The following TIAM2 variants were observed in gnomAD, a reference collection of about 807,000 sequenced individuals.
TIAM2 encodes the protein rho guanine nucleotide exchange factor TIAM2.
TIAM2 carries 80 observed loss-of-function variants against 152.9 expected under a neutral mutation model. The ratio of observed to expected loss-of-function variants is 0.52; its 90% CI spans 0.44 to 0.63. The LOEUF (loss-of-function observed/expected upper bound fraction) is 0.63, where lower values mean the gene tolerates loss of function less well. Ranked by LOEUF, TIAM2 falls within the 30% of genes least tolerant of loss-of-function variation. The pLI is 0.00. For synonymous variants in TIAM2, 804 were observed against 838.0 expected (o/e 0.96, Z 0.70); for missense variants, 1,965 against 2,120.1 (o/e 0.93, Z 1.44).
In TIAM2 at chr6:155,068,187, C is replaced by T. The variant is rs756884972; in HGVS notation, c.-208-22102C>T. On this transcript the variant is annotated intron_variant, in intron 1 of 26. Coordinates refer to ENST00000682666, the MANE Select transcript of TIAM2 (RefSeq NM_012454.4). ...CAGCCTCTTGCCCTATTGCTGGGCC[C>T]CTCTCCCTTCACATTTGGCGTGTGT... is the stretch of plus-strand genomic sequence containing the variant. Among the ~76,000 whole-genome samples the T allele has an allele frequency of 4.0e-4, 61 of 152,188 alleles. 1 individual carries two copies. The highest frequency in any genetic ancestry group is 3.2e-3 in the Middle Eastern group (1 of 316).
At position 155,144,764 on chromosome 6, in the gene TIAM2, G is replaced by A; in HGVS notation, c.1789G>A (p.Val597Ile). Residue 597 changes from valine (V) to isoleucine (I), a missense_variant, in exon 6 of 27, where the codon GTC becomes ATC. By Grantham distance (29) the Val-to-Ile change is conservative. Transcript: ENST00000682666. ...CTGCCTCAGCAACTCCTTTGGAGAT[G>A]TCTACCTTTTCCAGGTACTGCTGGT... is the stretch of plus-strand genomic sequence containing the variant. Reference protein sequence around the residue: ...VFCLSNSFGDVYLFQATSQTD... With the variant: ...VFCLSNSFGDIYLFQATSQTD... The A allele has an allele frequency of 6.2e-7, 1 of 1,609,716 alleles. No homozygotes were observed. The highest frequency in any genetic ancestry group is 8.5e-7 in the Non-Finnish European group (1 of 1,178,416).
At chr6:155,149,973 GGA>G (rs1280099531) in intron 7 of TIAM2, among the ~76,000 whole-genome samples, 4 of 151,052 alleles carry the variant, frequency 2.6e-5, no homozygotes, top group Non-Finnish European at 5.9e-5. Context: ...TCTAAAAATA[GGA>G]AACTGATTAA....
intron 11 of TIAM2, 42 bp downstream of exon 11, chr6:155,179,185 C>T: frequency 6.5e-7 from 1 of 1,545,916 alleles, no homozygotes. Flanking sequence ...TGAACCACAT[C>T]TATGGCCCTT....
chr6:155,019,880 C>T (rs1776439532), intron 1 of TIAM2, among the ~76,000 whole-genome samples: 1 of 152,162 alleles, frequency 6.6e-6, no homozygotes, highest in African/African-American at 2.4e-5. Context: ...AGGTAAAACC[C>T]CATCTCTACT....
chr6:155,222,820 A>G lies in TIAM2; in HGVS notation c.3168+11513A>G, dbSNP rs533128003. On this transcript the variant is annotated intron_variant, in intron 15 of 26. Transcript: ENST00000682666. ...GATCCAAAGCAGCTTTCTGCTAGAT[A>G]TCCCTTTTTATCCCCATGAATATGG... Among the ~76,000 whole-genome samples, 14 of 152,230 alleles carry G rather than the reference A, an allele frequency of 9.2e-5. No individual in the cohort carries two copies. The South Asian group carries it at 2.9e-3, about 32-fold the overall frequency.
chr6:155,112,954 C>T (rs1778892786), intron 2 of TIAM2, among the ~76,000 whole-genome samples: 2 of 151,930 alleles, frequency 1.3e-5, no homozygotes, highest in African/African-American at 4.8e-5. Flanking sequence ...TTCCGGTAGC[C>T]TAGCAGGTCC....
rs1418696798 is a variant in TIAM2 at position 155,114,051 on chromosome 6, T to A, written c.-117-13439T>A. On this transcript the variant is annotated intron_variant, in intron 2 of 26. Transcript: ENST00000682666. Reference sequence around the variant, plus strand: ...ATATATATATATTTTTTTTTTTTTCTTTTTTTTTTTTTTTTTTTTTGAAAT... The same window carrying A: ...ATATATATATATTTTTTTTTTTTTCATTTTTTTTTTTTTTTTTTTTGAAAT... Among the ~76,000 whole-genome samples the A allele has an allele frequency of 6.8e-3, 326 of 47,754 alleles. 3 individuals carry two copies. Among genetic ancestry groups the A allele is most frequent in the African/African-American group, 0.021 (199 of 9,256 alleles). 31.3% of individuals were successfully genotyped at this position (47,754 alleles called of 152,430 possible).
chr6:155,060,647 G>T (rs947189443), intron 1 of TIAM2, among the ~76,000 whole-genome samples: 1 of 152,020 alleles, frequency 6.6e-6, no homozygotes, highest in Non-Finnish European at 1.5e-5. Context: ...TGTAATCCCC[G>T]TACTTTGGGA....
intron 19 of TIAM2, among the ~76,000 whole-genome samples, chr6:155,246,503 A>G (rs925284514): frequency 2.6e-5 from 4 of 152,140 alleles, no homozygotes; most frequent in African/African-American, 9.7e-5. Flanking sequence ...TAATTTTAAA[A>G]ATGTAAAAAT....
rs1304890371 is a variant in TIAM2 at position 155,250,290 on chromosome 6, CCTT to C, written c.3951+322_3951+324del. Among the ~76,000 whole-genome samples the C allele has an allele frequency of 2.4e-5, 3 of 123,318 alleles. No homozygotes were observed. The East Asian group carries it at 6.0e-4, about 25-fold the overall frequency. The allele number at this position is 123,318 out of a possible 152,430, so 80.9% of individuals were successfully genotyped here. ...CTGGGGCTTTTCCTTTTTGATTTTG[CCTT>C]TTTTTTTTTTTTTTTTTAACATCAA... On this transcript the variant is annotated intron_variant, in intron 21 of 26. Transcript: ENST00000682666.
chr6:154,996,407 GGT>G (rs770624783), intron 1 of TIAM2, among the ~76,000 whole-genome samples: 5 of 152,152 alleles, frequency 3.3e-5, no homozygotes, highest in Non-Finnish European at 7.3e-5. Context: ...GAGGCCACTT[GGT>G]GACACTCCTC....
intron 1 of TIAM2, among the ~76,000 whole-genome samples, chr6:155,045,840 C>CTTTTTTTTTTT (rs11354850): frequency 2.0e-4 from 12 of 60,488 alleles, no homozygotes; most frequent in Non-Finnish European, 3.0e-4. Context: ...ATAGTGCCCT[C>CTTTTTTTTTTT]TTTTTTTTTT....
At chr6:155,020,715 G>A (rs543363319) in intron 1 of TIAM2, among the ~76,000 whole-genome samples, 3 of 152,122 alleles carry the variant, frequency 2.0e-5, no homozygotes, top group East Asian at 1.9e-4. Flanking sequence ...TGCCAGCCTC[G>A]GCCTCCCAAA....
intron 1 of TIAM2, among the ~76,000 whole-genome samples, chr6:155,029,636 TAGTTATATAACTATATATAG>T (rs1241128626): frequency 4.6e-4 from 38 of 83,410 alleles, no homozygotes; most frequent in African/African-American, 1.6e-3. Flanking sequence ...TAACTATATA[TAGTTATATAACTATATATAG>T]AGTTATATAA....
chr6:155,245,469 G>A (rs370374355), intron 18 of TIAM2, among the ~76,000 whole-genome samples, 154 bp from the exon 19 acceptor site: 17 of 152,200 alleles, frequency 1.1e-4, no homozygotes, highest in East Asian at 7.7e-4. Context: ...CGCCTGGGCT[G>A]TTCCCCACCT....
At chr6:155,009,053 A>G (rs998567912) in intron 1 of TIAM2, among the ~76,000 whole-genome samples, 16 of 149,882 alleles carry the variant, frequency 1.1e-4, no homozygotes, top group Non-Finnish European at 7.4e-5. Flanking sequence ...TAACGCATAA[A>G]TCTCTGGGTC....
rs1383641056 is a variant in TIAM2 at position 154,995,534 on chromosome 6, G to A, written c.-209+42G>A. The A allele has an allele frequency of 1.3e-5, 2 of 151,006 alleles. No homozygotes were observed. Among genetic ancestry groups the A allele is most frequent in the African/African-American group, 2.4e-5 (1 of 41,192 alleles). 9.4% of individuals were successfully genotyped at this position (151,006 alleles called of 1,614,324 possible). On this transcript the variant is annotated intron_variant, in intron 1 of 26. Transcript: ENST00000682666. The surrounding 1 kb of genome is among the most constrained non-coding windows in gnomAD (Gnocchi z 5.2). ...TGAGGGCGCAGGAGGGCGACGACCC[G>A]CGCTGGTTGGCGGCGGCTCCAGGTC...
intron 7 of TIAM2, chr6:155,149,297 A>T (rs185777067): frequency 1.2e-5 from 2 of 167,192 alleles, no homozygotes; most frequent in East Asian, 3.9e-4. Flanking sequence ...TGAAGGGGGA[A>T]TCCGGGTGAT....
chr6:155,229,449 G>T (rs1032560305), intron 15 of TIAM2, among the ~76,000 whole-genome samples: 18 of 152,180 alleles, frequency 1.2e-4, no homozygotes, highest in Admixed American at 3.3e-4. Context: ...GAATGCTCTT[G>T]ACCACCCTTT....
Sources: allele counts gnomAD v4.1 joint callset (sites outside exome capture counted in the v4.1 genomes callset), GRCh38; gene constraint gnomAD v4.1.1; non-coding constraint Gnocchi (gnomAD v3.1); transcripts MANE v1.5; gene names NCBI Gene and HGNC (gene_info 2026-07-23, HGNC 2026-07-21).